SPAG16: variants seen among roughly 807,000 people sequenced by gnomAD.
SPAG16 encodes sperm-associated antigen 16 protein.
Under a neutral mutation model 80.4 loss-of-function variants are expected in SPAG16, and 86 were observed. The ratio of observed to expected loss-of-function variants is 1.07; its 90% CI spans 0.90 to 1.28. SPAG16 has a LOEUF of 1.28. SPAG16 is among the 50% of genes most tolerant of loss of function. SPAG16 has a pLI of 0.00. For synonymous variants in SPAG16, 294 were observed against 265.9 expected (o/e 1.11, Z -1.03); for missense variants, 870 against 765.3 (o/e 1.14, Z -1.61).
At chr2:213,400,121 T>C (rs957543929) in intron 9 of SPAG16, among the ~76,000 whole-genome samples, 1 of 152,112 alleles carries the variant, frequency 6.6e-6, no homozygotes, top group African/African-American at 2.4e-5. Context: ...GATTTTATAA[T>C]CATTATGTTT....
At chr2:214,345,083 A>C (rs1056819034) in intron 15 of SPAG16, among the ~76,000 whole-genome samples, 3 of 152,176 alleles carry the variant, frequency 2.0e-5, no homozygotes, top group Non-Finnish European at 4.4e-5. Context: ...AGTCCAACAG[A>C]AGAATGAAAT....
At chr2:213,798,245 A>G (rs2071167705) in intron 10 of SPAG16, among the ~76,000 whole-genome samples, 1 of 151,910 alleles carries the variant, frequency 6.6e-6, no homozygotes, top group African/African-American at 2.4e-5. Context: ...CTCCCATTCT[A>G]TGGCATTTTT....
intron 13 of SPAG16, among the ~76,000 whole-genome samples, chr2:214,026,071 C>T (rs759333209): frequency 3.3e-5 from 5 of 151,408 alleles, no homozygotes; most frequent in South Asian, 2.1e-4. Context: ...AAGATTAAAG[C>T]ATAATTTAAC....
chr2:213,664,871 C>G (rs569688933), intron 10 of SPAG16, among the ~76,000 whole-genome samples: 14 of 151,600 alleles, frequency 9.2e-5, no homozygotes, highest in Admixed American at 2.0e-4. Flanking sequence ...ACATATTGAC[C>G]CTTCTAAGTG....
rs557553238 is a variant in SPAG16, at chr2:213,492,647, G to A, written c.1070+2557G>A. Among the ~76,000 whole-genome samples, 9 of 148,408 alleles carry A rather than the reference G, an allele frequency of 6.1e-5. No homozygotes were observed. The East Asian group carries it at 1.8e-3, about 29-fold the overall frequency. ...GTAAGTCTACAATACAGTGTTTATT[G>A]ACCCAATTATATACTTTTTTAAGGA... On this transcript the variant is annotated intron_variant, in intron 10 of 15. Transcript: ENST00000331683.
chr2:213,299,655 A>G (rs1262011148), intron 3 of SPAG16, among the ~76,000 whole-genome samples: 1 of 152,090 alleles, frequency 6.6e-6, no homozygotes, highest in Non-Finnish European at 1.5e-5. Flanking sequence ...TGCTTTATAA[A>G]TTTTAAATTG....
chr2:214,317,318 TCATTAA>T (rs1443282254), intron 15 of SPAG16, among the ~76,000 whole-genome samples: 1 of 152,230 alleles, frequency 6.6e-6, no homozygotes, highest in African/African-American at 2.4e-5. Flanking sequence ...TAAGTCCAAG[TCATTAA>T]CATTAACATA....
At chr2:214,086,476 A>T (rs1163241361) in intron 13 of SPAG16, among the ~76,000 whole-genome samples, 1 of 152,100 alleles carries the variant, frequency 6.6e-6, no homozygotes, top group Non-Finnish European at 1.5e-5. Context: ...AGGTGATGAG[A>T]TCATGGAGGC....
At chr2:213,849,985 A>G (rs1249775322) in intron 10 of SPAG16, among the ~76,000 whole-genome samples, 1 of 152,208 alleles carries the variant, frequency 6.6e-6, no homozygotes, top group African/African-American at 2.4e-5. Flanking sequence ...GAAGCACAGT[A>G]TATATAAAAC....
intron 10 of SPAG16, among the ~76,000 whole-genome samples, chr2:213,501,349 C>A (rs569157508): frequency 6.6e-6 from 1 of 152,168 alleles, no homozygotes; most frequent in Non-Finnish European, 1.5e-5. Context: ...ATAATATTAA[C>A]TGCCTGAGAA....
At chr2:214,261,107 C>CAAAAAAAAAAAAAAAAAAAAAAAAAAAAA (rs558534808) in intron 15 of SPAG16, among the ~76,000 whole-genome samples, 2 of 54,472 alleles carry the variant, frequency 3.7e-5, no homozygotes, top group Non-Finnish European at 6.4e-5. Context: ...GACTCAGTCT[C>CAAAAAAAAAAAAAAAAAAAAAAAAAAAAA]AAAAAAAAAA....
intron 9 of SPAG16, among the ~76,000 whole-genome samples, chr2:213,405,036 A>G (rs1450375451): frequency 6.6e-6 from 1 of 152,172 alleles, no homozygotes; most frequent in Non-Finnish European, 1.5e-5. Context: ...GCTAGCTCCT[A>G]TACAGTTATT....
At chr2:214,333,585 C>G (rs373894119) in intron 15 of SPAG16, among the ~76,000 whole-genome samples, 2 of 152,150 alleles carry the variant, frequency 1.3e-5, no homozygotes, top group Admixed American at 6.5e-5. Context: ...TCCCTCTCAC[C>G]GGAACATTTC....
intron 10 of SPAG16, among the ~76,000 whole-genome samples, chr2:213,838,562 A>G (rs2074217177): frequency 6.6e-6 from 1 of 152,216 alleles, no homozygotes; most frequent in Non-Finnish European, 1.5e-5. Flanking sequence ...TCAAGAGACA[A>G]AGTTATAACA....
At chr2:214,182,214 A>G (rs1158208590) in intron 15 of SPAG16, among the ~76,000 whole-genome samples, 1 of 151,696 alleles carries the variant, frequency 6.6e-6, no homozygotes, top group Non-Finnish European at 1.5e-5. Context: ...GATCCTAGAA[A>G]TATTCCATAC....
intron 11 of SPAG16, among the ~76,000 whole-genome samples, chr2:213,922,351 G>T (rs1037612134): frequency 4.6e-5 from 7 of 152,030 alleles, no homozygotes; most frequent in Admixed American, 1.3e-4. Context: ...TGCAATTCTT[G>T]TAGTATGTTT....
chr2:213,540,006 CAAT>C (rs894228122), intron 10 of SPAG16, among the ~76,000 whole-genome samples: 2 of 147,394 alleles, frequency 1.4e-5, no homozygotes, highest in African/African-American at 5.0e-5. Context: ...CTTATTAGCA[CAAT>C]GATACCATTA....
chr2:214,033,546 A>T lies in SPAG16; in HGVS notation c.1527+19469A>T, dbSNP rs147948748. ...GCTGATGAGAACATGACACAAAAAGATTATATTCAACCATTTATTCATGCC... is the reference window on the plus strand; with the variant it reads ...GCTGATGAGAACATGACACAAAAAGTTTATATTCAACCATTTATTCATGCC... On this transcript the variant is annotated intron_variant, in intron 13 of 15. Coordinates refer to ENST00000331683, the MANE Select transcript of SPAG16 (RefSeq NM_024532.5). Among the ~76,000 whole-genome samples the T allele has an allele frequency of 3.7e-4, 56 of 152,278 alleles. 1 individual carries two copies. In the East Asian group the frequency reaches 0.011, roughly 29 times the overall value.
chr2:213,827,762 A>C lies in SPAG16; in HGVS notation c.1071-34723A>C, dbSNP rs542941274. On this transcript the variant is annotated intron_variant, in intron 10 of 15. Coordinates refer to ENST00000331683, the MANE Select transcript of SPAG16 (RefSeq NM_024532.5). ...CTGGGAAAGTCTTTATTTTTCCTTC[A>C]TGTTTGGAAGGGCCTGGCTATACTA... 9.1e-4 allele frequency among the ~76,000 whole-genome samples: 137 copies of C among 150,522 alleles called. 1 individual carries two copies. The highest frequency in any genetic ancestry group is 3.2e-3 in the African/African-American group (132 of 41,106).
Sources: allele counts gnomAD v4.1 joint callset (sites outside exome capture counted in the v4.1 genomes callset), GRCh38; gene constraint gnomAD v4.1.1; transcripts MANE v1.5; gene names NCBI Gene and HGNC (gene_info 2026-07-23, HGNC 2026-07-21).